Variants in NUDT19 observed in about 807,000 individuals in gnomAD.
NUDT19 encodes the protein acyl-coenzyme A diphosphatase NUDT19.
Under a neutral mutation model 22.2 loss-of-function variants are expected in NUDT19, and 31 were observed. The observed-to-expected ratio is 1.40, with a 90% CI of 1.05 to 1.89. The LOEUF (loss-of-function observed/expected upper bound fraction) is 1.89. Ranked by LOEUF, NUDT19 falls within the 40% of genes most tolerant of loss-of-function variation. The probability of loss-of-function intolerance (pLI) is 0.00; values close to 1 mark genes in which losing one functional copy is unlikely to be tolerated. For missense variants in NUDT19, 752 were observed against 514.2 expected (o/e 1.46, Z -4.47); for synonymous variants, 325 against 230.8 (o/e 1.41, Z -3.70).
intron 1 of NUDT19, among the ~76,000 whole-genome samples, chr19:32,706,501 G>T (rs1481546428): frequency 1.3e-5 from 2 of 152,098 alleles, no homozygotes; most frequent in African/African-American, 4.8e-5. Flanking sequence ...CTGACCAACA[G>T]GAATAAACCC....
chr19:32,696,464 G>T (rs376972139), intron 1 of NUDT19, among the ~76,000 whole-genome samples: 1 of 152,138 alleles, frequency 6.6e-6, no homozygotes, highest in African/African-American at 2.4e-5. Flanking sequence ...TGCTCTCTCT[G>T]TGACGTTTAA....
chr19:32,701,213 T>G (rs2145362352), intron 1 of NUDT19, among the ~76,000 whole-genome samples: 1 of 146,844 alleles, frequency 6.8e-6, no homozygotes, highest in South Asian at 2.2e-4. Flanking sequence ...TTTTTTTTTT[T>G]TTTTTTTTTT....
In NUDT19 at chr19:32,713,256, G is replaced by C. The variant is rs1215223181; in HGVS notation, c.*1299G>C. 1 of 152,120 alleles carries C rather than the reference G, an allele frequency of 6.6e-6. No individual in the cohort carries two copies. Among genetic ancestry groups the C allele is most frequent in the Non-Finnish European group, 1.5e-5 (1 of 68,040 alleles). The allele number at this position is 152,120 out of a possible 1,614,324, so 9.4% of individuals were successfully genotyped here. Reference sequence around the variant, plus strand: ...GCTCACTCCAATCTCCGCCTCCCAGGTTCAAGCGATTTTTCTGCCTCAGCC... The same window carrying C: ...GCTCACTCCAATCTCCGCCTCCCAGCTTCAAGCGATTTTTCTGCCTCAGCC... On this transcript the variant is annotated 3_prime_UTR_variant, in exon 3 of 3. Coordinates refer to ENST00000397061, the MANE Select transcript of NUDT19 (RefSeq NM_001105570.2).
intron 1 of NUDT19, among the ~76,000 whole-genome samples, chr19:32,705,939 G>A (rs931992038): frequency 3.9e-5 from 6 of 152,198 alleles, no homozygotes; most frequent in Non-Finnish European, 4.4e-5. Context: ...AGTGCTGCTT[G>A]TGTTCAACAT....
intron 1 of NUDT19, among the ~76,000 whole-genome samples, chr19:32,699,376 C>T (rs1968305661): frequency 6.6e-6 from 1 of 152,144 alleles, no homozygotes; most frequent in South Asian, 2.1e-4. Context: ...TTTCAGAGTT[C>T]CATTCATGGC....
At chr19:32,695,219 A>G (rs1434798800) in intron 1 of NUDT19, among the ~76,000 whole-genome samples, 1 of 152,072 alleles carries the variant, frequency 6.6e-6, no homozygotes, top group Non-Finnish European at 1.5e-5. Context: ...TTGCCCTGTC[A>G]CCCAGGCTGG....
chr19:32,710,373 T>G (rs1268883103), intron 2 of NUDT19, among the ~76,000 whole-genome samples: 11 of 142,632 alleles, frequency 7.7e-5, no homozygotes, highest in Non-Finnish European at 9.1e-5. Flanking sequence ...ATTATGAAAT[T>G]ATGAAGAAAA....
chr19:32,693,436 G>A (rs1441705465), intron 1 of NUDT19, among the ~76,000 whole-genome samples: 1 of 152,224 alleles, frequency 6.6e-6, no homozygotes, highest in Non-Finnish European at 1.5e-5. Flanking sequence ...GCTTATAAAG[G>A]TAGTGCGGAC....
intron 2 of NUDT19, 71 bp from the exon 3 acceptor site, chr19:32,711,681 T>C: frequency 1.2e-6 from 1 of 861,786 alleles, no homozygotes; most frequent in Non-Finnish European, 1.8e-6. Context: ...GGAATTAAAA[T>C]TTTATACTTT....
At chr19:32,706,233 C>T (rs1371132385) in intron 1 of NUDT19, among the ~76,000 whole-genome samples, 1 of 152,170 alleles carries the variant, frequency 6.6e-6, no homozygotes, top group East Asian at 1.9e-4. Flanking sequence ...GTAGGTCTTT[C>T]CTCTCAGGTA....
At chr19:32,697,078 T>G (rs1968272678) in intron 1 of NUDT19, among the ~76,000 whole-genome samples, 2 of 152,282 alleles carry the variant, frequency 1.3e-5, no homozygotes, top group South Asian at 4.1e-4. Flanking sequence ...AAAAGTGTCC[T>G]TGTAAACCAC....
Position 32,692,168 on chromosome 19 carries a change from GC to G in NUDT19, c.210del (p.Asp71ThrfsTer52). 6.5e-7 allele frequency: 1 copy of G among 1,531,786 alleles called. No homozygotes were observed. Among genetic ancestry groups the G allele is most frequent in the Non-Finnish European group, 8.7e-7 (1 of 1,149,134 alleles). 94.9% of individuals were successfully genotyped at this position (1,531,786 alleles called of 1,614,324 possible). A position where few individuals can be genotyped will look rare whatever the true frequency, so the allele number is the denominator to read the frequency against. On this transcript the variant is annotated frameshift_variant, in exon 1 of 3. Transcript: ENST00000397061. LOFTEE classifies it high-confidence loss of function. ...CTTCTCCGGCGGAGTGCTGGATGCGGCCGACCGCTCGGCGGACTGGCTGGGC... is the reference window on the plus strand; with the variant it reads ...CTTCTCCGGCGGAGTGCTGGATGCGGCGACCGCTCGGCGGACTGGCTGGGC... ...HVFSGGVLDAADRSADWLGLF... is the reference protein window; with the variant it reads ...HVFSGGVLDAXDRSADWLGLF...
At chr19:32,703,646 G>T in intron 1 of NUDT19, among the ~76,000 whole-genome samples, 1 of 112,042 alleles carries the variant, frequency 8.9e-6, no homozygotes, top group Non-Finnish European at 1.8e-5. Flanking sequence ...ACTGTGCCCA[G>T]CCTTTTTTTT....
chr19:32,692,414 C>CCCGGGCCTGGCCTCGCCCTGGAGCCACCG lies in NUDT19; in HGVS notation c.469_497dup (p.Trp167ProfsTer108). On this transcript the variant is annotated frameshift_variant, in exon 1 of 3. Transcript: ENST00000397061. LOFTEE classifies it high-confidence loss of function. ...CAGGACTTCCCCACCAGGCCCAGCACCCGGGCCTGGCCTCGCCCTGGAGCC... is the reference window on the plus strand; with the variant it reads ...CAGGACTTCCCCACCAGGCCCAGCACCCGGGCCTGGCCTCGCCCTGGAGCCACCGCCGGGCCTGGCCTCGCCCTGGAGCC... 4 of 1,562,362 alleles carry CCCGGGCCTGGCCTCGCCCTGGAGCCACCG rather than the reference C, an allele frequency of 2.6e-6. No individual in the cohort carries two copies. Among genetic ancestry groups the CCCGGGCCTGGCCTCGCCCTGGAGCCACCG allele is most frequent in the African/African-American group, 2.8e-5 (2 of 72,238 alleles).
At chr19:32,698,947 A>C (rs1180904613) in intron 1 of NUDT19, among the ~76,000 whole-genome samples, 1 of 152,168 alleles carries the variant, frequency 6.6e-6, no homozygotes, top group African/African-American at 2.4e-5. Flanking sequence ...GAGGGAGGGA[A>C]GGGATCTCCA....
At chr19:32,702,874 C>T (rs1254323763) in intron 1 of NUDT19, among the ~76,000 whole-genome samples, 5 of 152,120 alleles carry the variant, frequency 3.3e-5, no homozygotes, top group Non-Finnish European at 7.4e-5. Context: ...TTTTTCATTT[C>T]GTTTATAGAG....
chr19:32,705,161 G>A (rs1193691754), intron 1 of NUDT19, among the ~76,000 whole-genome samples: 1 of 141,508 alleles, frequency 7.1e-6, no homozygotes, highest in Admixed American at 7.3e-5. Context: ...AGTGACTCAC[G>A]CCTGTAACTC....
At chr19:32,706,397 A>G (rs1319740744) in intron 1 of NUDT19, among the ~76,000 whole-genome samples, 1 of 152,170 alleles carries the variant, frequency 6.6e-6, no homozygotes, top group East Asian at 1.9e-4. Flanking sequence ...ATTATAAGTT[A>G]TTGTTGGCTG....
chr19:32,694,591 T>G (rs1011237167), intron 1 of NUDT19, among the ~76,000 whole-genome samples: 9 of 152,224 alleles, frequency 5.9e-5, no homozygotes, highest in African/African-American at 2.2e-4. Context: ...CCTGTGCTGA[T>G]GGACTTGAGC....
Sources: gnomAD v4.1 joint callset for allele counts (sites outside exome capture counted in the v4.1 genomes callset) on GRCh38, gnomAD v4.1.1 for gene constraint, MANE v1.5 for transcripts, NCBI Gene and HGNC (gene_info 2026-07-23, HGNC 2026-07-21) for gene names.